The following RBMS3 variants were observed in gnomAD, a reference collection of about 807,000 sequenced individuals.
RBMS3 encodes the protein RNA-binding motif, single-stranded-interacting protein 3.
In RBMS3, 27 loss-of-function variants were observed where a neutral mutation model predicts 66.8. That is an observed-to-expected ratio of 0.40 (90% CI 0.30 to 0.56). The LOEUF (loss-of-function observed/expected upper bound fraction) is 0.56, where lower values mean the gene tolerates loss of function less well. Among genes scored for constraint, RBMS3 ranks in the 20% least tolerant of loss-of-function variants. RBMS3 has a pLI of 0.40. For missense variants in RBMS3, 513 were observed against 549.5 expected (o/e 0.93, Z 0.66); for synonymous variants, 188 against 183.0 (o/e 1.03, Z -0.22).
intron 1 of RBMS3, among the ~76,000 whole-genome samples, chr3:29,383,382 T>C (rs1264211575): frequency 6.6e-6 from 1 of 152,188 alleles, no homozygotes; most frequent in African/African-American, 2.4e-5. Flanking sequence ...TGCAAATATT[T>C]TGGCTATCAG....
At chr3:29,666,463 A>G (rs1490201630) in intron 4 of RBMS3, among the ~76,000 whole-genome samples, 1 of 152,160 alleles carries the variant, frequency 6.6e-6, no homozygotes, top group Non-Finnish European at 1.5e-5. Flanking sequence ...ACTGCATCTT[A>G]TATTTTCACA....
At chr3:29,518,081 CTT>C (rs1205118518) in intron 3 of RBMS3, among the ~76,000 whole-genome samples, 1 of 152,138 alleles carries the variant, frequency 6.6e-6, no homozygotes. Flanking sequence ...ATCCTTACCT[CTT>C]ATCTCTTTCT....
chr3:29,439,593 T>TTTTATTTATTTATTTATTTATTTATTTA (rs3041548), intron 2 of RBMS3, among the ~76,000 whole-genome samples: 3 of 149,122 alleles, frequency 2.0e-5, no homozygotes, highest in African/African-American at 7.4e-5. Context: ...GTTAATCTCT[T>TTTTATTTATTTATTTATTTATTTATTTA]TTTATTTATT....
intron 4 of RBMS3, among the ~76,000 whole-genome samples, chr3:29,724,447 TA>T (rs1358493677): frequency 6.6e-6 from 1 of 152,140 alleles, no homozygotes; most frequent in Admixed American, 6.6e-5. Flanking sequence ...CTAAGGTTAT[TA>T]GTATTATTAT....
At chr3:29,889,236 T>C (rs544860728) in intron 8 of RBMS3, among the ~76,000 whole-genome samples, 3 of 151,584 alleles carry the variant, frequency 2.0e-5, no homozygotes, top group South Asian at 2.1e-4. Flanking sequence ...TAAAACTCAC[T>C]CCCCATGGCC....
chr3:29,338,704 C>A (rs1439069743), intron 1 of RBMS3, among the ~76,000 whole-genome samples: 1 of 61,062 alleles, frequency 1.6e-5, no homozygotes, highest in Non-Finnish European at 4.4e-5. Context: ...TCCTCCTCCT[C>A]TCCTCTCCTC....
chr3:29,772,567 TGGA>T (rs1175227223), intron 6 of RBMS3, among the ~76,000 whole-genome samples: 4 of 151,966 alleles, frequency 2.6e-5, no homozygotes, highest in African/African-American at 9.7e-5. Flanking sequence ...TCTCTTACAG[TGGA>T]GATGAGAGAT....
intron 3 of RBMS3, among the ~76,000 whole-genome samples, chr3:29,556,772 G>C (rs1261048719): frequency 1.3e-5 from 2 of 152,130 alleles, no homozygotes; most frequent in Non-Finnish European, 2.9e-5. Flanking sequence ...TCCTAGGGCA[G>C]TTCTTAGGTT....
intron 3 of RBMS3, among the ~76,000 whole-genome samples, chr3:29,554,924 C>T (rs2046297122): frequency 6.6e-6 from 1 of 152,202 alleles, no homozygotes; most frequent in East Asian, 1.9e-4. Flanking sequence ...TAGATTAGTG[C>T]TTCAGTAGAA....
intron 2 of RBMS3, among the ~76,000 whole-genome samples, chr3:29,452,322 G>A (rs1470812760): frequency 1.3e-5 from 2 of 152,064 alleles, no homozygotes; most frequent in Non-Finnish European, 2.9e-5. Flanking sequence ...CTGGATCAAT[G>A]GAAGCAAAAA....
intron 4 of RBMS3, among the ~76,000 whole-genome samples, chr3:29,619,364 C>T (rs980395399): frequency 6.6e-6 from 1 of 151,648 alleles, no homozygotes; most frequent in East Asian, 1.9e-4. Flanking sequence ...TTGTGATGTA[C>T]TTATTAGAAT....
chr3:29,896,200 C>T (rs542485193), intron 8 of RBMS3, among the ~76,000 whole-genome samples: 1 of 151,264 alleles, frequency 6.6e-6, no homozygotes, highest in Non-Finnish European at 1.5e-5. Context: ...AGAATTTATT[C>T]CTTGAATCCT....
intron 3 of RBMS3, among the ~76,000 whole-genome samples, chr3:29,537,822 CAAAAAAAA>C (rs1195812359): frequency 1.9e-3 from 137 of 70,810 alleles, no homozygotes; most frequent in African/African-American, 6.0e-3. Context: ...GACTCCACCT[CAAAAAAAA>C]AAAAAAAAAG....
chr3:30,003,835 C>T, intron 14 of RBMS3, 21 bp from the exon 15 acceptor site: 2 of 1,420,592 alleles, frequency 1.4e-6, no homozygotes, highest in Non-Finnish European at 1.9e-6. Flanking sequence ...AATGACCACT[C>T]TTATTCAATT....
At chr3:29,751,366 A>G (rs1451254068) in intron 5 of RBMS3, among the ~76,000 whole-genome samples, 2 of 152,210 alleles carry the variant, frequency 1.3e-5, no homozygotes, top group African/African-American at 4.8e-5. Flanking sequence ...AACCTTTTGT[A>G]ATTTTCTATT....
chr3:29,988,789 GA>G (rs910652786), intron 13 of RBMS3, among the ~76,000 whole-genome samples: 3 of 149,816 alleles, frequency 2.0e-5, no homozygotes, highest in Admixed American at 6.7e-5. Flanking sequence ...GGAAGAAAAG[GA>G]AAAAAAAAGA....
At chr3:29,524,266 A>C (rs2044984913) in intron 3 of RBMS3, among the ~76,000 whole-genome samples, 1 of 152,154 alleles carries the variant, frequency 6.6e-6, no homozygotes, top group African/African-American at 2.4e-5. Context: ...AGTGAAACTC[A>C]ATACCCCATA....
chr3:29,415,455 C>G (rs1332453136), intron 1 of RBMS3, among the ~76,000 whole-genome samples: 2 of 152,092 alleles, frequency 1.3e-5, no homozygotes, highest in African/African-American at 4.8e-5. Flanking sequence ...GCCCAGAGCC[C>G]TTGAATGTCA....
chr3:29,898,828 T>C (rs1348429459), intron 9 of RBMS3, among the ~76,000 whole-genome samples: 1 of 151,204 alleles, frequency 6.6e-6, no homozygotes, highest in Non-Finnish European at 1.5e-5. Context: ...TAAGCCACAG[T>C]GTAGAGCACT....
Sources: gnomAD v4.1 joint callset for allele counts (sites outside exome capture counted in the v4.1 genomes callset) on GRCh38, gnomAD v4.1.1 for gene constraint, MANE v1.5 for transcripts, NCBI Gene and HGNC (gene_info 2026-07-23, HGNC 2026-07-21) for gene names.